SMG6: variants seen among roughly 807,000 people sequenced by gnomAD.
The protein encoded by SMG6 is SMG6 nonsense mediated mRNA decay factor, also known as telomerase-binding protein EST1A.
Under a neutral mutation model 142.2 loss-of-function variants are expected in SMG6, and 66 were observed. The ratio of observed to expected loss-of-function variants is 0.46; its 90% confidence interval spans 0.38 to 0.57. SMG6 has a LOEUF of 0.57. SMG6 is among the 20% of genes least tolerant of loss of function. The probability of loss-of-function intolerance (pLI) is 0.00; values close to 1 mark genes in which losing one functional copy is unlikely to be tolerated. For missense variants in SMG6, 1,793 were observed against 1,832.0 expected (o/e 0.98, Z 0.39); for synonymous variants, 779 against 702.4 (o/e 1.11, Z -1.72).
At chr17:2,270,847 G>A (rs2074527711) in intron 8 of SMG6, among the ~76,000 whole-genome samples, 1 of 152,080 alleles carries the variant, frequency 6.6e-6, no homozygotes, top group Admixed American at 6.6e-5. Context: ...TTACGAAATG[G>A]GCATTTTCAG....
chr17:2,147,856 T>C (rs557764055), intron 13 of SMG6, among the ~76,000 whole-genome samples: 90 of 152,216 alleles, frequency 5.9e-4, no homozygotes, highest in Admixed American at 1.9e-3. Context: ...GGATGTAAAA[T>C]AGTACAGCCG....
intron 10 of SMG6, among the ~76,000 whole-genome samples, chr17:2,204,135 T>G (rs2072611028): frequency 1.3e-5 from 2 of 152,086 alleles, no homozygotes; most frequent in African/African-American, 4.8e-5. Context: ...AGCTAAGGAT[T>G]TTTAAAAGTC....
At chr17:2,160,296 T>C (rs2071135701) in intron 13 of SMG6, among the ~76,000 whole-genome samples, 1 of 152,202 alleles carries the variant, frequency 6.6e-6, no homozygotes, top group Non-Finnish European at 1.5e-5. Flanking sequence ...CTCAGCTCAC[T>C]GCAGCCTCCG....
chr17:2,079,050 G>A (rs899343304), intron 15 of SMG6, among the ~76,000 whole-genome samples: 1 of 151,776 alleles, frequency 6.6e-6, no homozygotes, highest in Non-Finnish European at 1.5e-5. Context: ...TGTAACCTCC[G>A]CCTCCTGGGT....
chr17:2,286,307 C>CAAAAAAAAA (rs74656326), intron 6 of SMG6, among the ~76,000 whole-genome samples: 2 of 89,316 alleles, frequency 2.2e-5, no homozygotes, highest in Non-Finnish European at 2.3e-5. Context: ...CTCAAATGGC[C>CAAAAAAAAA]AAAAAAAAAA....
intron 10 of SMG6, among the ~76,000 whole-genome samples, chr17:2,200,635 G>A (rs2072491463): frequency 6.6e-6 from 1 of 152,090 alleles, no homozygotes; most frequent in Non-Finnish European, 1.5e-5. Flanking sequence ...CAAAGTGCAA[G>A]AATTAGAGGC....
intron 13 of SMG6, among the ~76,000 whole-genome samples, chr17:2,144,278 G>A (rs917146765): frequency 6.6e-6 from 1 of 151,946 alleles, no homozygotes; most frequent in Non-Finnish European, 1.5e-5. Flanking sequence ...TCGAGACCAG[G>A]CTGGTCTCAA....
rs777936944 is a variant in SMG6, at chr17:2,061,476, C to G, written c.*16G>C. On this transcript the variant is annotated 3_prime_UTR_variant, in exon 19 of 19. Coordinates refer to ENST00000263073, the MANE Select transcript of SMG6 (RefSeq NM_017575.5). ...CAGGAACGGTTCCACGGGGGGGGGG[C>G]CCCAGTGTGGCTCCCTCAGCCCACC... The G allele has an allele frequency of 3.4e-3, 4,634 of 1,354,564 alleles. 14 individuals carry two copies. The highest frequency in any genetic ancestry group is 4.2e-3 in the East Asian group (145 of 34,724). 83.9% of individuals were successfully genotyped at this position (1,354,564 alleles called of 1,614,324 possible).
intron 11 of SMG6, among the ~76,000 whole-genome samples, chr17:2,187,996 A>C (rs1241808938): frequency 6.6e-6 from 1 of 152,174 alleles, no homozygotes; most frequent in Admixed American, 6.5e-5. Flanking sequence ...TGAGTCTCCC[A>C]TGATGGCTGG....
intron 10 of SMG6, among the ~76,000 whole-genome samples, chr17:2,191,509 A>G (rs1281399787): frequency 6.6e-6 from 1 of 152,248 alleles, no homozygotes; most frequent in East Asian, 1.9e-4. Context: ...GTCAGGTAGC[A>G]GGAGCATGAC....
chr17:2,094,110 C>A (rs1336582169), intron 13 of SMG6, among the ~76,000 whole-genome samples: 2 of 152,202 alleles, frequency 1.3e-5, no homozygotes, highest in African/African-American at 4.8e-5. Context: ...AACAAGCGGG[C>A]CACTAATAAA....
At chr17:2,292,431 G>A (rs1597799488) in intron 6 of SMG6, 121 bp downstream of exon 6, 9 of 938,920 alleles carry the variant, frequency 9.6e-6, no homozygotes, top group Non-Finnish European at 1.3e-5. Context: ...GGAGTTTGAG[G>A]GGATATTCTT....
rs192474757 is a variant in SMG6 at position 2,215,489 on chromosome 17, G to A, written c.2869+21003C>T. On this transcript the variant is annotated intron_variant, in intron 10 of 18. Coordinates refer to ENST00000263073, the MANE Select transcript of SMG6 (RefSeq NM_017575.5). ...TGAAAACTACCTAAAAACTCATGGA[G>A]AGGTTTATTTTATTAGTTCTTAATA... is the stretch of plus-strand genomic sequence containing the variant. 7 of 152,274 alleles carry A rather than the reference G, an allele frequency of 4.6e-5. No individual in the cohort carries two copies. In the East Asian group the frequency reaches 9.6e-4, roughly 21 times the overall value. The allele number at this position is 152,274 out of a possible 1,614,324, so 9.4% of individuals were successfully genotyped here. A position where few individuals can be genotyped will look rare whatever the true frequency, so the allele number is the denominator to read the frequency against.
chr17:2,153,635 T>C (rs1161009078), intron 13 of SMG6, among the ~76,000 whole-genome samples: 51 of 118,476 alleles, frequency 4.3e-4, no homozygotes, highest in Middle Eastern at 6.7e-3. Flanking sequence ...TGGGGATGCA[T>C]GTAGAGTGTG....
rs1195129205 is a variant in SMG6 at position 2,300,028 on chromosome 17, T to C, written c.725A>G (p.Lys242Arg). The change falls in exon 2 of 19, where the codon AAG becomes AGG. Residue 242 changes from lysine (K) to arginine (R), a missense_variant. By Grantham distance (26) the Lys-to-Arg change is conservative. This residue lies in a region of SMG6 where 1,597 missense variants were observed against 1,584.6 expected (regional missense o/e 1.01). Coordinates refer to ENST00000263073, the MANE Select transcript of SMG6 (RefSeq NM_017575.5). Reference protein sequence around the residue: ...DPARGRPGSAKRYSRSDKRRN... With the variant: ...DPARGRPGSARRYSRSDKRRN... ...TCGTTTGTCTGAGCGGGAGTAGCGC[T>C]TTGCGGAGCCCGGCCTCCCGCGGGC... 4 of 1,614,208 alleles carry C rather than the reference T, an allele frequency of 2.5e-6. No individual in the cohort carries two copies. The highest frequency in any genetic ancestry group is 1.7e-6 in the Non-Finnish European group (2 of 1,180,038).
At chr17:2,195,704 A>G (rs778500764) in intron 10 of SMG6, among the ~76,000 whole-genome samples, 1 of 152,190 alleles carries the variant, frequency 6.6e-6, no homozygotes, top group Non-Finnish European at 1.5e-5. Context: ...ATTTATATAT[A>G]TTATCTCAAA....
intron 14 of SMG6, among the ~76,000 whole-genome samples, chr17:2,084,671 C>A (rs1166619330): frequency 1.3e-5 from 2 of 152,184 alleles, no homozygotes; most frequent in African/African-American, 4.8e-5. Flanking sequence ...CTGCTGCAGG[C>A]CAAATGACTG....
At chr17:2,113,520 C>A (rs1403582710) in intron 13 of SMG6, among the ~76,000 whole-genome samples, 1 of 152,210 alleles carries the variant, frequency 6.6e-6, no homozygotes, top group African/African-American at 2.4e-5. Context: ...GGTGCTGGCT[C>A]CACGAGAGCA....
intron 1 of SMG6, 138 bp from the exon 2 acceptor site, chr17:2,300,802 T>C (rs541058701): frequency 4.0e-6 from 3 of 746,390 alleles, no homozygotes; most frequent in African/African-American, 1.8e-5. Flanking sequence ...CTAATACTGG[T>C]AGGCAAAGAA....
Sources: allele counts gnomAD v4.1 joint callset (sites outside exome capture counted in the v4.1 genomes callset), GRCh38; gene constraint gnomAD v4.1.1; regional missense constraint gnomAD v4.1.1; transcripts MANE v1.5; gene names NCBI Gene and HGNC (gene_info 2026-07-23, HGNC 2026-07-21).